The following PTPN13 variants were observed in gnomAD, a reference collection of about 807,000 sequenced individuals.
The protein encoded by PTPN13 is tyrosine-protein phosphatase non-receptor type 13.
A neutral mutation model predicts 284.0 loss-of-function variants in PTPN13; 191 were observed. The ratio of observed to expected loss-of-function variants is 0.67; its 90% CI spans 0.60 to 0.76. The LOEUF is 0.76. Among genes scored for constraint, PTPN13 ranks in the 30% least tolerant of loss-of-function variants. The pLI is 0.00. For missense variants in PTPN13, 2,797 were observed against 2,939.9 expected (o/e 0.95, Z 1.12); for synonymous variants, 986 against 1,022.3 (o/e 0.96, Z 0.68).
intron 20 of PTPN13, among the ~76,000 whole-genome samples, chr4:86,755,000 G>A (rs1194605262): frequency 6.6e-6 from 1 of 152,010 alleles, no homozygotes; most frequent in Non-Finnish European, 1.5e-5. Flanking sequence ...AATACAGCAT[G>A]GCAAACATGT....
intron 23 of PTPN13, among the ~76,000 whole-genome samples, chr4:86,761,169 T>TATATATATATATATATATAA (rs1188928906): frequency 2.1e-5 from 3 of 145,100 alleles, no homozygotes; most frequent in African/African-American, 7.5e-5. Flanking sequence ...TATATATATA[T>TATATATATATATATATATAA]AAACACAACA....
intron 3 of PTPN13, among the ~76,000 whole-genome samples, chr4:86,677,641 T>C (rs1164507210): frequency 6.6e-6 from 1 of 151,866 alleles, no homozygotes. Context: ...TGGGTTTTTT[T>C]TTTTTTTTAA....
At chr4:86,737,950 G>A (rs1471263386) in intron 15 of PTPN13, among the ~76,000 whole-genome samples, 2 of 152,082 alleles carry the variant, frequency 1.3e-5, no homozygotes, top group African/African-American at 4.8e-5. Flanking sequence ...GGATGGTCTC[G>A]ATCTCTTGAC....
intron 2 of PTPN13, among the ~76,000 whole-genome samples, chr4:86,659,741 G>C (rs1726259137): frequency 6.6e-6 from 1 of 152,008 alleles, no homozygotes; most frequent in South Asian, 2.1e-4. Flanking sequence ...ACTTGAACCT[G>C]GGAGGCAGAG....
chr4:86,716,397 T>C, intron 7 of PTPN13, 133 bp from the exon 8 acceptor site: 1 of 605,194 alleles, frequency 1.7e-6, no homozygotes, highest in Non-Finnish European at 2.8e-6. Flanking sequence ...ATTATTTGAA[T>C]ACACTCCAGC....
rs1207384163 is a variant in PTPN13 at position 86,769,646 on chromosome 4, C to T, written c.4490-123C>T. On this transcript the variant is annotated intron_variant, in intron 28 of 47. Coordinates refer to ENST00000411767, the MANE Select transcript of PTPN13 (RefSeq NM_080683.3). ...ACCATTGGAGTGCAGTAAGTACATA[C>T]AGAGCTATAAATACGGGAAAATGGG... 4.7e-6 allele frequency: 3 copies of T among 644,372 alleles called. No individual in the cohort carries two copies. The African/African-American group carries it at 5.5e-5, about 12-fold the overall frequency. 39.9% of individuals were successfully genotyped at this position (644,372 alleles called of 1,614,324 possible). A position where few individuals can be genotyped will look rare whatever the true frequency, so the allele number is the denominator to read the frequency against.
At chr4:86,720,429 G>A (rs1733523182) in intron 9 of PTPN13, among the ~76,000 whole-genome samples, 1 of 152,078 alleles carries the variant, frequency 6.6e-6, no homozygotes, top group Non-Finnish European at 1.5e-5. Flanking sequence ...AAAAGCCCAT[G>A]TGGTATTCAT....
intron 16 of PTPN13, among the ~76,000 whole-genome samples, chr4:86,743,358 C>G (rs1736368243): frequency 6.6e-6 from 1 of 152,020 alleles, no homozygotes; most frequent in Admixed American, 6.6e-5. Context: ...TTTGACTGAT[C>G]AACTAAGAAG....
In PTPN13 at chr4:86,772,886, T is replaced by C. The variant is rs144970861; in HGVS notation, c.5277T>C (p.Ser1759=). The change falls in exon 32 of 48, where the codon TCT becomes TCC. Residue 1759 remains serine, a synonymous_variant. Coordinates refer to ENST00000411767, the MANE Select transcript of PTPN13 (RefSeq NM_080683.3). ...ATAAGTATCATATACATCACATTTC[T>C]GAACCAACTAGACAAGAAAACTGGA... ...SMDKYHIHHI[S]EPTRQENWTP... is the part of the protein sequence containing the mutation. The C allele has an allele frequency of 8.6e-5, 139 of 1,612,618 alleles. No individual in the cohort carries two copies. In the Middle Eastern group the frequency reaches 1.3e-3, roughly 15 times the overall value.
chr4:86,785,968 G>T, intron 40 of PTPN13, 32 bp downstream of exon 40: 3 of 1,256,284 alleles, frequency 2.4e-6, no homozygotes, highest in South Asian at 3.0e-5. Flanking sequence ...CCTAGGATAT[G>T]ACAGCTTGTT....
chr4:86,734,883 T>C lies in PTPN13; in HGVS notation c.2151+8T>C, dbSNP rs139832299. 1.4e-5 allele frequency: 23 copies of C among 1,607,648 alleles called. No homozygotes were observed. Among genetic ancestry groups the C allele is most frequent in the African/African-American group, 2.7e-5 (2 of 74,906 alleles). On this transcript the variant is annotated splice_region_variant and intron_variant, in intron 14 of 47. Coordinates refer to ENST00000411767, the MANE Select transcript of PTPN13 (RefSeq NM_080683.3). The stretch of plus-strand genomic sequence containing the variant: ...GGAGATTATCAACCAGAGGTAGGAT[T>C]TGTGTTTTTTTCCAGGACCATTTTT...
chr4:86,787,276 A>C (rs1315523210), intron 40 of PTPN13, among the ~76,000 whole-genome samples: 1 of 152,074 alleles, frequency 6.6e-6, no homozygotes, highest in East Asian at 1.9e-4. Flanking sequence ...ATTGTAAAAA[A>C]GTTTCCAACA....
chr4:86,774,379 G>A lies in PTPN13; in HGVS notation c.5356G>A (p.Glu1786Lys). The change falls in exon 33 of 48, where the codon GAA becomes AAA. Residue 1786 changes from glutamate to lysine, a missense_variant. Physicochemically the swap from Glu to Lys is moderately conservative, Grantham distance 56. Coordinates refer to ENST00000411767, the MANE Select transcript of PTPN13 (RefSeq NM_080683.3). ...TACTGCTTTTTTCCCTTAGGAAGTA[G>A]AACTCCTCATTACCCTAATTAAATC... ...NHLEDFELEV[E>K]LLITLIKSEK... 2 of 1,604,744 alleles carry A rather than the reference G, an allele frequency of 1.2e-6. No individual in the cohort carries two copies. The highest frequency in any genetic ancestry group is 1.7e-6 in the Non-Finnish European group (2 of 1,175,448).
chr4:86,664,293 TTAGAGAA>T (rs1726825478), intron 2 of PTPN13, among the ~76,000 whole-genome samples: 1 of 152,250 alleles, frequency 6.6e-6, no homozygotes, highest in Admixed American at 6.5e-5. Context: ...CTAAAAGAGA[TTAGAGAA>T]TAAAGATCAA....
chr4:86,627,117 A>G (rs774380750), intron 1 of PTPN13, among the ~76,000 whole-genome samples: 2 of 152,136 alleles, frequency 1.3e-5, no homozygotes, highest in East Asian at 3.8e-4. Context: ...ATTTAGGACA[A>G]GTACTAAATG....
At chr4:86,765,976 C>T (rs888888439) in intron 26 of PTPN13, among the ~76,000 whole-genome samples, 13 of 152,038 alleles carry the variant, frequency 8.6e-5, no homozygotes, top group African/African-American at 2.9e-4. Context: ...TACAGGCGCC[C>T]ACCACCATGC....
intron 2 of PTPN13, among the ~76,000 whole-genome samples, chr4:86,640,680 A>G (rs1249320283): frequency 6.6e-6 from 1 of 152,208 alleles, no homozygotes; most frequent in African/African-American, 2.4e-5. Flanking sequence ...CACAGTATAT[A>G]AAGCATCTTG....
At chr4:86,668,547 A>T (rs1158765392) in intron 2 of PTPN13, among the ~76,000 whole-genome samples, 1 of 152,104 alleles carries the variant, frequency 6.6e-6, no homozygotes, top group African/African-American at 2.4e-5. Flanking sequence ...CAAGCCATTT[A>T]AAAAATCACA....
At chr4:86,648,667 G>T (rs1439227076) in intron 2 of PTPN13, among the ~76,000 whole-genome samples, 3 of 152,218 alleles carry the variant, frequency 2.0e-5, no homozygotes, top group Middle Eastern at 6.8e-3. Flanking sequence ...CTTGGCTATG[G>T]TGAATAGTGC....
Sources: allele counts gnomAD v4.1 joint callset (sites outside exome capture counted in the v4.1 genomes callset), GRCh38; gene constraint gnomAD v4.1.1; transcripts MANE v1.5; gene names NCBI Gene and HGNC (gene_info 2026-07-23, HGNC 2026-07-21).